DCDC1: variants seen among roughly 807,000 people sequenced by gnomAD.
DCDC1 encodes the protein doublecortin domain containing 1.
Under a neutral mutation model 178.3 loss-of-function variants are expected in DCDC1, and 200 were observed. The ratio of observed to expected loss-of-function variants is 1.12; its 90% confidence interval spans 1.00 to 1.26. The LOEUF (loss-of-function observed/expected upper bound fraction) is 1.26, where lower values mean the gene tolerates loss of function less well. Ranked by LOEUF, DCDC1 falls within the 50% of genes most tolerant of loss-of-function variation. The pLI is 0.00. For synonymous variants in DCDC1, 690 were observed against 604.8 expected (o/e 1.14, Z -2.07); for missense variants, 1,983 against 1,749.2 (o/e 1.13, Z -2.38).
intron 20 of DCDC1, among the ~76,000 whole-genome samples, chr11:30,975,660 T>C (rs1950061938): frequency 6.6e-6 from 1 of 151,842 alleles, no homozygotes; most frequent in South Asian, 2.1e-4. Context: ...TTAACCAAAG[T>C]GAAAGACTTC....
intron 6 of DCDC1, among the ~76,000 whole-genome samples, chr11:31,301,415 C>A (rs1190725798): frequency 6.6e-6 from 1 of 152,254 alleles, no homozygotes; most frequent in Admixed American, 6.5e-5. Flanking sequence ...TTGGTGTAGG[C>A]AGCACTATAG....
At chr11:31,133,171 T>A (rs1962668276) in intron 10 of DCDC1, among the ~76,000 whole-genome samples, 1 of 152,230 alleles carries the variant, frequency 6.6e-6, no homozygotes. Flanking sequence ...TGACTCTTTG[T>A]GGAGCTCCTG....
chr11:30,963,986 C>T (rs529459942), intron 20 of DCDC1, among the ~76,000 whole-genome samples: 14 of 151,978 alleles, frequency 9.2e-5, no homozygotes, highest in Non-Finnish European at 1.9e-4. Context: ...CCTGTTTTTC[C>T]TTCTGATTTT....
At chr11:31,261,087 T>C (rs1246918886) in intron 8 of DCDC1, among the ~76,000 whole-genome samples, 1 of 152,172 alleles carries the variant, frequency 6.6e-6, no homozygotes, top group Non-Finnish European at 1.5e-5. Context: ...CATCATAAAA[T>C]TCCAATAACA....
At chr11:31,360,054 G>A (rs530034938) in intron 1 of DCDC1, among the ~76,000 whole-genome samples, 2 of 152,306 alleles carry the variant, frequency 1.3e-5, no homozygotes, top group South Asian at 4.1e-4. Flanking sequence ...TAAAATGTTA[G>A]TTCCTATTTT....
At chr11:31,361,878 C>T (rs763252875) in intron 1 of DCDC1, among the ~76,000 whole-genome samples, 6 of 152,198 alleles carry the variant, frequency 3.9e-5, no homozygotes, top group Admixed American at 6.5e-5. Flanking sequence ...TAAGTAACAA[C>T]AGCACTTGCA....
chr11:31,108,868 G>A (rs1289786887), intron 12 of DCDC1, among the ~76,000 whole-genome samples: 1 of 152,058 alleles, frequency 6.6e-6, no homozygotes, highest in Non-Finnish European at 1.5e-5. Context: ...ATCATCACCA[G>A]GCCTTTATAG....
intron 20 of DCDC1, among the ~76,000 whole-genome samples, chr11:31,020,322 G>C (rs574754919): frequency 6.6e-6 from 1 of 152,084 alleles, no homozygotes. Flanking sequence ...TGTCAATGTT[G>C]ATTTCCCACT....
At chr11:31,214,139 G>C (rs2136590783) in intron 9 of DCDC1, among the ~76,000 whole-genome samples, 1 of 152,144 alleles carries the variant, frequency 6.6e-6, no homozygotes, top group South Asian at 2.1e-4. Context: ...AAAATAAGGT[G>C]AATAGGTGAC....
chr11:31,157,355 CA>C (rs1555090310), intron 9 of DCDC1, among the ~76,000 whole-genome samples: 8,836 of 121,814 alleles, frequency 0.073, 1,074 homozygotes, highest in African/African-American at 0.26. Context: ...GACCCTTTCT[CA>C]AAAAAAAAAA....
chr11:30,952,673 C>G (rs1245427972), intron 20 of DCDC1, 105 bp from the exon 21 acceptor site: 5 of 439,954 alleles, frequency 1.1e-5, no homozygotes, highest in Non-Finnish European at 1.9e-5. Context: ...GGCAAAAACT[C>G]AGTTTGAATT....
intron 7 of DCDC1, among the ~76,000 whole-genome samples, chr11:31,267,162 C>T (rs948718720): frequency 1.3e-5 from 2 of 151,978 alleles, no homozygotes; most frequent in East Asian, 1.9e-4. Flanking sequence ...AGAATGCATA[C>T]CTGCTCATTA....
chr11:31,082,873 A>G (rs1032770892), intron 17 of DCDC1, among the ~76,000 whole-genome samples: 1 of 152,202 alleles, frequency 6.6e-6, no homozygotes, highest in African/African-American at 2.4e-5. Flanking sequence ...ATGCACGTAG[A>G]GGATGGGGAA....
At chr11:30,877,458 T>C (rs1942238943) in intron 38 of DCDC1, among the ~76,000 whole-genome samples, 1 of 152,198 alleles carries the variant, frequency 6.6e-6, no homozygotes, top group Non-Finnish European at 1.5e-5. Flanking sequence ...TTCTTGTAAA[T>C]TCTTCCCTAC....
intron 20 of DCDC1, among the ~76,000 whole-genome samples, chr11:31,034,071 G>T (rs572970443): frequency 6.6e-6 from 1 of 150,416 alleles, no homozygotes; most frequent in South Asian, 2.1e-4. Flanking sequence ...TTGAACCCAG[G>T]AGGCGGAGGT....
rs1012869467 is a variant in DCDC1, at chr11:31,181,694, A to G, written c.1222-43910T>C. Among the ~76,000 whole-genome samples the G allele has an allele frequency of 3.3e-5, 5 of 152,232 alleles. No individual in the cohort carries two copies. In the South Asian group the frequency reaches 1.0e-3, roughly 32 times the overall value. On this transcript the variant is annotated intron_variant, in intron 9 of 38. Transcript: ENST00000684477. ...CAACATCAACAAAAAGGATGTCCAC[A>G]CAGAAAGCCCACCCTAAGGTCACCA...
At chr11:31,157,493 G>C (rs964337368) in intron 9 of DCDC1, among the ~76,000 whole-genome samples, 1 of 149,466 alleles carries the variant, frequency 6.7e-6, no homozygotes, top group Non-Finnish European at 1.5e-5. Flanking sequence ...GTGTGCAATG[G>C]AATATTATTC....
chr11:31,212,062 G>A (rs1204617077), intron 9 of DCDC1, among the ~76,000 whole-genome samples: 4 of 140,680 alleles, frequency 2.8e-5, no homozygotes, highest in Non-Finnish European at 6.0e-5. Context: ...CAGCCTGGGC[G>A]ACAGAGCGAG....
chr11:31,057,405 A>G (rs942833702), intron 20 of DCDC1, among the ~76,000 whole-genome samples: 1 of 152,174 alleles, frequency 6.6e-6, no homozygotes, highest in Non-Finnish European at 1.5e-5. Flanking sequence ...CTAGAAGTCA[A>G]TAATACAAAG....
Sources: gnomAD v4.1 joint callset for allele counts (sites outside exome capture counted in the v4.1 genomes callset) on GRCh38, gnomAD v4.1.1 for gene constraint, MANE v1.5 for transcripts, NCBI Gene and HGNC (gene_info 2026-07-23, HGNC 2026-07-21) for gene names.